DPH6: variants seen among roughly 807,000 people sequenced by gnomAD.
DPH6 encodes diphthamine biosynthesis 6, also known as diphthine--ammonia ligase.
DPH6 carries 33 observed loss-of-function variants against 38.2 expected under a neutral mutation model. The ratio of observed to expected loss-of-function variants is 0.86; its 90% CI spans 0.65 to 1.15. The LOEUF is 1.15. Ranked by LOEUF, DPH6 falls within the 50% of genes most tolerant of loss-of-function variation. The pLI is 0.00. For synonymous variants in DPH6, 108 were observed against 103.0 expected (o/e 1.05, Z -0.30); for missense variants, 325 against 320.0 (o/e 1.02, Z -0.12).
intron 3 of DPH6, among the ~76,000 whole-genome samples, chr15:35,480,382 T>TTAATA (rs2054312573): frequency 6.6e-6 from 1 of 152,088 alleles, no homozygotes; most frequent in African/African-American, 2.4e-5. Flanking sequence ...TGATGATGAT[T>TTAATA]TTTAAAACTG....
At chr15:35,308,149 G>C (rs1000159374) in intron 3 of DPH6, among the ~76,000 whole-genome samples, 2 of 151,992 alleles carry the variant, frequency 1.3e-5, no homozygotes, top group East Asian at 3.9e-4. Flanking sequence ...TGCGCCTGTA[G>C]TCCCTGCTAC....
the DPH6 span, among the ~76,000 whole-genome samples, chr15:35,175,088 A>C: frequency 6.6e-6 from 1 of 152,204 alleles, no homozygotes; most frequent in Non-Finnish European, 1.5e-5. Flanking sequence ...TTAGTGACTT[A>C]TACTTTCCTC....
intron 3 of DPH6, chr15:35,490,184 C>A: frequency 3.0e-6 from 3 of 985,132 alleles, no homozygotes; most frequent in Non-Finnish European, 3.6e-6. Flanking sequence ...TCCTGTGGCT[C>A]TTTCTTACTC....
intron 3 of DPH6, among the ~76,000 whole-genome samples, chr15:35,263,488 C>A (rs1284545183): frequency 7.0e-6 from 1 of 143,756 alleles, no homozygotes; most frequent in African/African-American, 2.6e-5. Context: ...TCACTGCAGT[C>A]TAGCCCTGGA....
intron 3 of DPH6, among the ~76,000 whole-genome samples, chr15:35,304,281 T>G (rs1241213754): frequency 6.6e-6 from 1 of 152,156 alleles, no homozygotes; most frequent in African/African-American, 2.4e-5. Flanking sequence ...TACTGCTGAT[T>G]GTAAGCCCAA....
intron 3 of DPH6, chr15:35,238,007 G>A: frequency 9.2e-6 from 14 of 1,524,308 alleles, no homozygotes; most frequent in Non-Finnish European, 1.2e-5. Context: ...CCGTGAAGAA[G>A]AAAGGGGTCA....
chr15:35,544,592 T>C (rs2055315558), intron 1 of DPH6, among the ~76,000 whole-genome samples: 1 of 152,218 alleles, frequency 6.6e-6, no homozygotes. Flanking sequence ...CATAATTATA[T>C]ATAATGCATA....
At chr15:35,150,207 C>T in the DPH6 span, among the ~76,000 whole-genome samples, 14 of 152,258 alleles carry the variant, frequency 9.2e-5, no homozygotes, top group African/African-American at 3.1e-4. Context: ...GCCTCATGTC[C>T]ACCTTTTAAA....
chr15:35,172,572 T>C, the DPH6 span, among the ~76,000 whole-genome samples: 1 of 152,346 alleles, frequency 6.6e-6, no homozygotes, highest in East Asian at 1.9e-4. Context: ...CAGAGCATCA[T>C]TTGTGGTAAC....
chr15:35,378,948 A>G (rs1233649284), intron 7 of DPH6, among the ~76,000 whole-genome samples: 2 of 152,212 alleles, frequency 1.3e-5, no homozygotes, highest in Non-Finnish European at 2.9e-5. Flanking sequence ...CATTCTTCAC[A>G]TGTACCCTAG....
At chr15:35,151,108 T>C in the DPH6 span, among the ~76,000 whole-genome samples, 3 of 152,248 alleles carry the variant, frequency 2.0e-5, no homozygotes, top group South Asian at 4.1e-4. Flanking sequence ...TCGATTGAGT[T>C]ACTCAACTTT....
At chr15:35,427,538 C>T (rs1323525616) in intron 5 of DPH6, among the ~76,000 whole-genome samples, 1 of 151,758 alleles carries the variant, frequency 6.6e-6, no homozygotes, top group African/African-American at 2.4e-5. Flanking sequence ...AATGGAGAAA[C>T]TGATAGAGTC....
rs193180102 is a variant in DPH6, at chr15:35,419,711, A to G, written c.506-8815T>C. ...TGTAAAAAGGACAATAAAGGTTATA[A>G]TATAGTGATTAAGAATCCAATTCAT... On this transcript the variant is annotated intron_variant, in intron 5 of 8. Coordinates refer to ENST00000256538, the MANE Select transcript of DPH6 (RefSeq NM_080650.4). Among the ~76,000 whole-genome samples, 416 of 152,306 alleles carry G rather than the reference A, an allele frequency of 2.7e-3. 4 individuals are homozygous for G. The highest frequency in any genetic ancestry group is 5.1e-3 in the Non-Finnish European group (345 of 68,000).
At chr15:35,179,641 G>A in the DPH6 span, among the ~76,000 whole-genome samples, 1 of 152,136 alleles carries the variant, frequency 6.6e-6, no homozygotes, top group Non-Finnish European at 1.5e-5. Context: ...AAATGAGACA[G>A]GAAATATTAC....
intron 3 of DPH6, among the ~76,000 whole-genome samples, chr15:35,358,139 G>T (rs1239361796): frequency 1.3e-5 from 2 of 152,070 alleles, no homozygotes; most frequent in Non-Finnish European, 2.9e-5. Flanking sequence ...TTTGTGCTCT[G>T]AATTTCTTTC....
chr15:35,438,929 A>G (rs576276162), intron 5 of DPH6, among the ~76,000 whole-genome samples: 1 of 152,374 alleles, frequency 6.6e-6, no homozygotes, highest in East Asian at 1.9e-4. Context: ...TCTAAAAATT[A>G]ATCTTGCAAA....
In DPH6 at chr15:35,454,649, C is replaced by T; in HGVS notation, c.386+98G>A. On this transcript the variant is annotated intron_variant, in intron 4 of 8. Coordinates refer to ENST00000256538, the MANE Select transcript of DPH6 (RefSeq NM_080650.4). The stretch of plus-strand genomic sequence containing the variant: ...TAGTTCCATGGAGCACGTAGACTAC[C>T]ATACCTATTTATAATTTGAATATGA... 3.0e-6 allele frequency: 3 copies of T among 1,012,234 alleles called. No individual in the cohort carries two copies. The South Asian group carries it at 4.5e-5, about 15-fold the overall frequency. 62.7% of individuals were successfully genotyped at this position (1,012,234 alleles called of 1,614,324 possible).
At chr15:35,262,550 C>CA (rs1373288808) in intron 3 of DPH6, among the ~76,000 whole-genome samples, 9 of 151,730 alleles carry the variant, frequency 5.9e-5, no homozygotes, top group South Asian at 2.1e-4. Flanking sequence ...ACTAAAAATA[C>CA]AAAAAATTAG....
At chr15:35,322,324 G>A (rs568114668) in intron 3 of DPH6, among the ~76,000 whole-genome samples, 1 of 152,204 alleles carries the variant, frequency 6.6e-6, no homozygotes, top group Non-Finnish European at 1.5e-5. Context: ...TCTAAGCAAG[G>A]GGAGGGTTAG....
Sources: allele counts gnomAD v4.1 joint callset (sites outside exome capture counted in the v4.1 genomes callset), GRCh38; gene constraint gnomAD v4.1.1; transcripts MANE v1.5; gene names NCBI Gene and HGNC (gene_info 2026-07-23, HGNC 2026-07-21).